The following CTNNA3 variants were observed in gnomAD, a reference collection of about 807,000 sequenced individuals.
The protein encoded by CTNNA3 is catenin alpha-3.
A neutral mutation model predicts 95.7 loss-of-function variants in CTNNA3; 76 were observed. That is an observed-to-expected ratio of 0.79 (90% CI 0.66 to 0.96). The LOEUF is 0.96. CTNNA3 is among the 40% of genes least tolerant of loss of function. The probability of loss-of-function intolerance (pLI) is 0.00; values close to 1 mark genes in which losing one functional copy is unlikely to be tolerated. For synonymous variants in CTNNA3, 431 were observed against 374.4 expected (o/e 1.15, Z -1.74); for missense variants, 1,191 against 1,089.8 (o/e 1.09, Z -1.31).
At chr10:67,583,673 C>A (rs1307735315) in intron 3 of CTNNA3, among the ~76,000 whole-genome samples, 7 of 152,192 alleles carry the variant, frequency 4.6e-5, no homozygotes, top group African/African-American at 1.7e-4. Context: ...TGGTTCCATT[C>A]TCCCCGTCAC....
At chr10:66,255,938 C>T (rs973203397) in intron 13 of CTNNA3, among the ~76,000 whole-genome samples, 2 of 152,002 alleles carry the variant, frequency 1.3e-5, no homozygotes, top group Non-Finnish European at 2.9e-5. Context: ...TTGATGTTCC[C>T]GCGAAGAAAA....
chr10:67,726,478 A>G (rs1343360445), intron 1 of CTNNA3, among the ~76,000 whole-genome samples: 1 of 64,340 alleles, frequency 1.6e-5, no homozygotes, highest in Non-Finnish European at 2.5e-5. Flanking sequence ...ATAATATTAT[A>G]TATTATATCA....
At chr10:67,514,861 A>G (rs775090931) in intron 5 of CTNNA3, among the ~76,000 whole-genome samples, 10 of 152,184 alleles carry the variant, frequency 6.6e-5, no homozygotes, top group Non-Finnish European at 1.3e-4. Flanking sequence ...ACTACTGTAT[A>G]GCAAACAACC....
chr10:66,566,622 T>C (rs971855926), intron 10 of CTNNA3, among the ~76,000 whole-genome samples: 12 of 152,096 alleles, frequency 7.9e-5, no homozygotes, highest in African/African-American at 2.4e-4. Flanking sequence ...ACCAAGTATA[T>C]GCAGTACAAT....
intron 6 of CTNNA3, among the ~76,000 whole-genome samples, chr10:67,208,570 C>T (rs1864007410): frequency 6.6e-6 from 1 of 151,954 alleles, no homozygotes; most frequent in Non-Finnish European, 1.5e-5. Context: ...AAGTATGAGA[C>T]AAAAATTAAA....
At chr10:66,264,879 C>T (rs1222987878) in intron 13 of CTNNA3, among the ~76,000 whole-genome samples, 2 of 151,960 alleles carry the variant, frequency 1.3e-5, no homozygotes, top group Non-Finnish European at 2.9e-5. Context: ...ACTGGGCAGA[C>T]CTTCCTGCTC....
intron 14 of CTNNA3, among the ~76,000 whole-genome samples, chr10:66,095,323 G>A (rs779090337): frequency 1.1e-4 from 16 of 152,088 alleles, no homozygotes; most frequent in Non-Finnish European, 2.4e-4. Context: ...TAGGAGAGCA[G>A]AGTTACTGCC....
intron 7 of CTNNA3, among the ~76,000 whole-genome samples, chr10:67,092,707 TA>T (rs1402543688): frequency 6.6e-6 from 1 of 151,942 alleles, no homozygotes; most frequent in Non-Finnish European, 1.5e-5. Flanking sequence ...AGACCATTAG[TA>T]ATTAGTTATT....
chr10:67,557,989 C>A (rs1841319838), intron 3 of CTNNA3, among the ~76,000 whole-genome samples: 1 of 152,224 alleles, frequency 6.6e-6, no homozygotes, highest in African/African-American at 2.4e-5. Flanking sequence ...CTTACCTCAT[C>A]CTTCCAAGTT....
intron 7 of CTNNA3, among the ~76,000 whole-genome samples, chr10:67,072,331 G>A (rs560912845): frequency 6.6e-6 from 1 of 152,028 alleles, no homozygotes; most frequent in African/African-American, 2.4e-5. Flanking sequence ...CACCTTTTAA[G>A]TCCTTGCCAG....
intron 6 of CTNNA3, among the ~76,000 whole-genome samples, chr10:67,217,363 T>C (rs1188881819): frequency 6.6e-6 from 1 of 152,254 alleles, no homozygotes; most frequent in Non-Finnish European, 1.5e-5. Context: ...AACTTGGATA[T>C]AAAAAATATA....
intron 9 of CTNNA3, among the ~76,000 whole-genome samples, chr10:66,649,031 C>A (rs12262526): frequency 6.6e-6 from 1 of 151,918 alleles, no homozygotes; most frequent in African/African-American, 2.4e-5. Context: ...AGAAAAACAC[C>A]CACAAAGTAG....
chr10:67,339,307 C>T (rs1407066166), intron 5 of CTNNA3, among the ~76,000 whole-genome samples: 2 of 152,106 alleles, frequency 1.3e-5, no homozygotes, highest in Non-Finnish European at 2.9e-5. Context: ...CACATAATCA[C>T]ATCAAGTTTG....
At chr10:67,167,936 C>A (rs1206743217) in intron 7 of CTNNA3, among the ~76,000 whole-genome samples, 1 of 152,098 alleles carries the variant, frequency 6.6e-6, no homozygotes, top group South Asian at 2.1e-4. Flanking sequence ...AGTTCCAGAC[C>A]ACCCTGGCCA....
At chr10:67,702,946 C>G (rs1841052869) in intron 1 of CTNNA3, among the ~76,000 whole-genome samples, 1 of 152,140 alleles carries the variant, frequency 6.6e-6, no homozygotes, top group African/African-American at 2.4e-5. Flanking sequence ...AAGGGGATAT[C>G]ACCACCGACC....
chr10:66,662,557 T>C (rs1004221155), intron 9 of CTNNA3, among the ~76,000 whole-genome samples: 1 of 152,118 alleles, frequency 6.6e-6, no homozygotes. Flanking sequence ...TCAACATCTA[T>C]TCACTCTCTC....
chr10:66,607,398 G>T (rs1437042193), intron 10 of CTNNA3, among the ~76,000 whole-genome samples: 1 of 142,876 alleles, frequency 7.0e-6, no homozygotes, highest in African/African-American at 2.6e-5. Context: ...CCAAAATATT[G>T]AGGAGAATGG....
At chr10:66,346,242 T>G (rs1441543545) in intron 12 of CTNNA3, among the ~76,000 whole-genome samples, 299 of 8,720 alleles carry the variant, frequency 0.034, 2 homozygotes, top group African/African-American at 0.11. Flanking sequence ...TATATATATA[T>G]ATATAGAGAG....
At chr10:67,196,900 G>C (rs1863397049) in intron 6 of CTNNA3, among the ~76,000 whole-genome samples, 2 of 151,942 alleles carry the variant, frequency 1.3e-5, no homozygotes, top group Admixed American at 1.3e-4. Context: ...TTATCTGTTT[G>C]GAAATATGTG....
Sources: gnomAD v4.1 joint callset for allele counts (sites outside exome capture counted in the v4.1 genomes callset) on GRCh38, gnomAD v4.1.1 for gene constraint, MANE v1.5 for transcripts, NCBI Gene and HGNC (gene_info 2026-07-23, HGNC 2026-07-21) for gene names.